SGCE: variants seen among roughly 807,000 people sequenced by gnomAD.
SGCE encodes epsilon-sarcoglycan.
SGCE carries 26 observed loss-of-function variants against 57.8 expected under a neutral mutation model. That is an observed-to-expected ratio of 0.45 (90% CI 0.33 to 0.62). The LOEUF (loss-of-function observed/expected upper bound fraction) is 0.62. Among genes scored for constraint, SGCE ranks in the 20% least tolerant of loss-of-function variants. SGCE has a pLI of 0.02. For synonymous variants in SGCE, 183 were observed against 189.5 expected, an observed-to-expected ratio of 0.97 and a Z score of 0.28; for missense variants, 468 against 548.6, an observed-to-expected ratio of 0.85 and a Z score of 1.47.
intron 5 of SGCE, among the ~76,000 whole-genome samples, chr7:94,604,858 TA>T (rs1554345757): frequency 1.3e-5 from 1 of 75,210 alleles, no homozygotes; most frequent in Admixed American, 1.5e-4. Flanking sequence ...TATATATATA[TA>T]ATAGTTGTTA....
At chr7:94,635,125 A>C (rs755997101) in intron 1 of SGCE, among the ~76,000 whole-genome samples, 2 of 152,180 alleles carry the variant, frequency 1.3e-5, no homozygotes, top group Non-Finnish European at 2.9e-5. Context: ...CAATTTTATC[A>C]ATTTGTTTCT....
At chr7:94,596,116 A>G (rs1420413116) in intron 9 of SGCE, among the ~76,000 whole-genome samples, 1 of 152,150 alleles carries the variant, frequency 6.6e-6, no homozygotes, top group Admixed American at 6.6e-5. Context: ...CAAGTTCAAT[A>G]TAATAGCCTA....
chr7:94,600,145 A>T, intron 7 of SGCE: 1 of 186,554 alleles, frequency 5.4e-6, no homozygotes, highest in Non-Finnish European at 1.1e-5. Flanking sequence ...TGAAGTGAAG[A>T]CTTGTTACTC....
intron 5 of SGCE, among the ~76,000 whole-genome samples, chr7:94,606,278 G>A (rs1800127089): frequency 6.6e-6 from 1 of 152,162 alleles, no homozygotes; most frequent in Non-Finnish European, 1.5e-5. Flanking sequence ...AAGTAAATGG[G>A]TGGAGAAAGA....
rs1227306716 is a variant in SGCE, at chr7:94,618,918, T to G, written c.502A>C (p.Asn168His). 1.2e-6 allele frequency: 2 copies of G among 1,613,862 alleles called. No homozygotes were observed. Among genetic ancestry groups the G allele is most frequent in the Admixed American group, 1.7e-5 (1 of 59,984 alleles). ...LPYQAEFFIK[N>H]MNVEEMLASE... ...GCCAACATTTCTTCTACATTCATAT[T>G]CTTAATGAAGAATTCTGCTTGATAT... Residue 168 changes from asparagine to histidine, a missense_variant, in exon 5 of 11, where the codon AAT becomes CAT. Asn to His is a moderately conservative substitution (Grantham distance 68). Coordinates refer to ENST00000648936, the MANE Select transcript of SGCE (RefSeq NM_003919.3).
chr7:94,618,659 C>T (rs6465421), intron 5 of SGCE, 99 bp downstream of exon 5: 12 of 975,554 alleles, frequency 1.2e-5, no homozygotes, highest in East Asian at 5.1e-5. Context: ...CTTATTAAAA[C>T]GAAAAATGCA....
chr7:94,585,759 C>G (rs1463331274), intron 10 of SGCE, among the ~76,000 whole-genome samples: 1 of 151,984 alleles, frequency 6.6e-6, no homozygotes, highest in Non-Finnish European at 1.5e-5. Flanking sequence ...CCAAGAGGTA[C>G]AGTCTGAAAA....
At chr7:94,604,286 C>G (rs1348990292) in intron 5 of SGCE, among the ~76,000 whole-genome samples, 1 of 151,922 alleles carries the variant, frequency 6.6e-6, no homozygotes, top group African/African-American at 2.4e-5. Context: ...TTCATAATGA[C>G]AATGCTAGGA....
At chr7:94,588,130 C>A in intron 10 of SGCE, 1 of 1,147,410 alleles carries the variant, frequency 8.7e-7, no homozygotes, top group Non-Finnish European at 1.1e-6. Context: ...TTTTTAGGGA[C>A]ACTTGAAAGA....
At chr7:94,589,210 A>G (rs1161590854) in intron 9 of SGCE, 1 of 177,338 alleles carries the variant, frequency 5.6e-6, no homozygotes, top group Non-Finnish European at 1.2e-5. Context: ...CGTGTCAGGA[A>G]TGACACTGGC....
intron 5 of SGCE, among the ~76,000 whole-genome samples, chr7:94,610,073 A>G (rs575734412): frequency 1.6e-4 from 25 of 152,362 alleles, no homozygotes; most frequent in African/African-American, 5.8e-4. Flanking sequence ...AAGAAACTTC[A>G]AAGCATATTA....
chr7:94,640,426 G>T (rs1026167894), intron 1 of SGCE, among the ~76,000 whole-genome samples: 56 of 152,108 alleles, frequency 3.7e-4, no homozygotes, highest in African/African-American at 1.2e-3. Context: ...TATTGATCCT[G>T]TTTTTCACCA....
At position 94,603,288 on chromosome 7, in the gene SGCE, A is replaced by G; in HGVS notation, c.825+2T>C. 1 of 1,609,894 alleles carries G rather than the reference A, an allele frequency of 6.2e-7. No homozygotes were observed. The highest frequency in any genetic ancestry group is 8.5e-7 in the Non-Finnish European group (1 of 1,176,970). ...ACTTGCAAAAACAAAATAAAAACTT[A>G]CCAATGAAATTTTGCACCAGTCAAT... is the stretch of plus-strand genomic sequence containing the variant. On this transcript the variant is annotated splice_donor_variant, in intron 6 of 10. Coordinates refer to ENST00000648936, the MANE Select transcript of SGCE (RefSeq NM_003919.3). LOFTEE classifies it high-confidence loss of function.
At position 94,635,483 on chromosome 7, in the gene SGCE, C is replaced by T. The variant is rs149363209; in HGVS notation, c.110-5642G>A. Among the ~76,000 whole-genome samples, 33 of 152,258 alleles carry T rather than the reference C, an allele frequency of 2.2e-4. No homozygotes were observed. In the East Asian group the frequency reaches 3.5e-3, roughly 16 times the overall value. On this transcript the variant is annotated intron_variant, in intron 1 of 10. Coordinates refer to ENST00000648936, the MANE Select transcript of SGCE (RefSeq NM_003919.3). ...AGTACTGACAAAAAATAATACTTCT[C>T]GTCTCATATTTTATAGTTTTAACAT...
chr7:94,605,061 T>C (rs1415890871), intron 5 of SGCE, among the ~76,000 whole-genome samples: 4 of 151,586 alleles, frequency 2.6e-5, no homozygotes, highest in Non-Finnish European at 5.9e-5. Context: ...CTACTTATAT[T>C]CATTCTTTTT....
In SGCE at chr7:94,628,355, C is replaced by G. The variant is rs144527028; in HGVS notation, c.237G>C (p.Glu79Asp). 6.2e-7 allele frequency: 1 copy of G among 1,607,766 alleles called. No individual in the cohort carries two copies. Among genetic ancestry groups the G allele is most frequent in the African/African-American group, 1.3e-5 (1 of 74,816 alleles). The change falls in exon 3 of 11, where the codon GAG becomes GAC. Residue 79 changes from glutamate (E) to aspartate (D), a missense_variant. Transcript: ENST00000648936. ...TAAATGTTATGGGATCATTACTAAT[C>G]TCGCCTAGATAAGAAACAGAGAATT... ...GEFPPYPKPG[E>D]ISNDPITFNT...
chr7:94,621,525 A>G (rs917055580), intron 4 of SGCE: 2 of 152,244 alleles, frequency 1.3e-5, no homozygotes, highest in African/African-American at 4.8e-5. Flanking sequence ...TGCCTTGAGT[A>G]ATCTGTATCT....
At chr7:94,655,926 C>A in intron 1 of SGCE, 64 bp downstream of exon 1, 1 of 1,076,414 alleles carries the variant, frequency 9.3e-7, no homozygotes, top group African/African-American at 1.6e-5. Flanking sequence ...GGAACCCGAG[C>A]GGGGGAGGGG....
At chr7:94,605,676 C>T (rs1408265547) in intron 5 of SGCE, among the ~76,000 whole-genome samples, 1 of 151,618 alleles carries the variant, frequency 6.6e-6, no homozygotes, top group East Asian at 1.9e-4. Context: ...TTAAAAAATA[C>T]AACTGATGTG....
Sources: allele counts gnomAD v4.1 joint callset (sites outside exome capture counted in the v4.1 genomes callset), GRCh38; gene constraint gnomAD v4.1.1; transcripts MANE v1.5; gene names NCBI Gene and HGNC (gene_info 2026-07-23, HGNC 2026-07-21).